THSD7B: variants seen among roughly 807,000 people sequenced by gnomAD.
THSD7B encodes thrombospondin type 1 domain containing 7B.
A neutral mutation model predicts 213.6 loss-of-function variants in THSD7B; 138 were observed. The observed-to-expected ratio is 0.65, with a 90% confidence interval of 0.56 to 0.74. The LOEUF is 0.74. THSD7B is among the 30% of genes least tolerant of loss of function. The probability of loss-of-function intolerance (pLI) is 0.00; values close to 1 mark genes in which losing one functional copy is unlikely to be tolerated. For synonymous variants in THSD7B, 742 were observed against 687.0 expected (o/e 1.08, Z -1.25); for missense variants, 1,931 against 1,991.5 (o/e 0.97, Z 0.58).
At chr2:137,673,659 G>GTTGGCCTTGCTGAGTGCAGTC (rs1683630019) in intron 27 of THSD7B, among the ~76,000 whole-genome samples, 3 of 152,210 alleles carry the variant, frequency 2.0e-5, no homozygotes, top group African/African-American at 7.2e-5. Context: ...CCTCCTCAGT[G>GTTGGCCTTGCTGAGTGCAGTC]TTGGCCTTGC....
At chr2:137,528,653 A>G (rs6735244) in intron 15 of THSD7B, among the ~76,000 whole-genome samples, 69,092 of 151,864 alleles carry the variant, frequency 0.45, 16,126 homozygotes, top group South Asian at 0.59. Context: ...GCCATCCCAC[A>G]CTGCCTTTTC....
chr2:137,152,074 A>G (rs1679830388), intron 5 of THSD7B, among the ~76,000 whole-genome samples: 1 of 149,202 alleles, frequency 6.7e-6, no homozygotes, highest in Non-Finnish European at 1.5e-5. Flanking sequence ...GGGTGCTTAT[A>G]GTGAACTCTT....
intron 7 of THSD7B, among the ~76,000 whole-genome samples, chr2:137,230,253 A>T (rs1246398270): frequency 6.6e-6 from 1 of 152,068 alleles, no homozygotes; most frequent in Non-Finnish European, 1.5e-5. Flanking sequence ...TAATTATAAA[A>T]CTCCATTATT....
intron 3 of THSD7B, among the ~76,000 whole-genome samples, chr2:137,058,467 GATTTTTCAGATCAATTTTTAAATTTTC>G (rs1267820150): frequency 1.3e-5 from 2 of 151,930 alleles, no homozygotes; most frequent in Non-Finnish European, 2.9e-5. Flanking sequence ...TAATAGACTT[GATTTTTCAGATCAATTTTTAAATTTTC>G]AGAAAAAATG....
intron 2 of THSD7B, among the ~76,000 whole-genome samples, chr2:137,029,917 A>G (rs1686631150): frequency 6.6e-6 from 1 of 152,174 alleles, no homozygotes; most frequent in Non-Finnish European, 1.5e-5. Flanking sequence ...GAACAATTAT[A>G]GGAGCTAATA....
rs1167968936 is a variant in THSD7B, at chr2:137,642,571, A to G, written c.3883A>G (p.Thr1295Ala). The G allele has an allele frequency of 7.4e-6, 12 of 1,613,702 alleles. No individual in the cohort carries two copies. The highest frequency in any genetic ancestry group is 1.0e-5 in the Non-Finnish European group (12 of 1,179,850). Residue 1295 changes from threonine to alanine, a missense_variant, in exon 21 of 28, where the codon ACC becomes GCC. Physicochemically the swap from Thr to Ala is moderately conservative, Grantham distance 58. Transcript: ENST00000409968. ...CCCCACAGAGCTTACCCAGGAGAAA[A>G]CCTGCCCAGTGACCCCCTGCTACAG... is the stretch of plus-strand genomic sequence containing the variant. ...PCPTELTQEK[T>A]CPVTPCYSWV... is the part of the protein sequence containing the mutation.
intron 12 of THSD7B, among the ~76,000 whole-genome samples, chr2:137,308,675 C>T (rs1208645700): frequency 1.3e-5 from 2 of 151,924 alleles, no homozygotes; most frequent in African/African-American, 4.8e-5. Flanking sequence ...TGAAAAAAAT[C>T]CCATTGTTTC....
intron 2 of THSD7B, among the ~76,000 whole-genome samples, chr2:136,916,917 C>T (rs1227149177): frequency 6.6e-6 from 1 of 152,144 alleles, no homozygotes; most frequent in Non-Finnish European, 1.5e-5. Context: ...TTTGAATAGA[C>T]CTCTGGATCC....
chr2:137,557,811 C>G (rs1472930137), intron 15 of THSD7B, among the ~76,000 whole-genome samples: 1 of 152,068 alleles, frequency 6.6e-6, no homozygotes, highest in Non-Finnish European at 1.5e-5. Context: ...AATTGATAGA[C>G]CACTAGCAAG....
chr2:136,809,601 G>C (rs1032990245), intron 1 of THSD7B, among the ~76,000 whole-genome samples: 1 of 152,172 alleles, frequency 6.6e-6, no homozygotes, highest in Non-Finnish European at 1.5e-5. Flanking sequence ...GCTGGTCCAT[G>C]GATCACAGAG....
intron 7 of THSD7B, among the ~76,000 whole-genome samples, chr2:137,226,086 T>A (rs543382122): frequency 6.6e-6 from 1 of 151,988 alleles, no homozygotes; most frequent in Admixed American, 6.6e-5. Flanking sequence ...CTTACTCAGC[T>A]GTGGGCAAGC....
chr2:137,408,171 A>G (rs1463851046), intron 13 of THSD7B, among the ~76,000 whole-genome samples: 1 of 152,082 alleles, frequency 6.6e-6, no homozygotes, highest in Non-Finnish European at 1.5e-5. Context: ...TCAAACAGTG[A>G]TGCTATATAA....
intron 2 of THSD7B, among the ~76,000 whole-genome samples, chr2:136,973,425 CTAAA>C (rs1438121516): frequency 6.6e-6 from 1 of 152,032 alleles, no homozygotes; most frequent in African/African-American, 2.4e-5. Context: ...AATTTAGAGA[CTAAA>C]TATCTGTATT....
intron 15 of THSD7B, among the ~76,000 whole-genome samples, chr2:137,534,000 ATGTG>A (rs141422453): frequency 6.8e-5 from 9 of 132,824 alleles, no homozygotes; most frequent in Admixed American, 2.2e-4. Flanking sequence ...GTGCACATGT[ATGTG>A]TGTGTGTGTG....
chr2:136,784,145 G>A (rs1004310861), intron 1 of THSD7B, among the ~76,000 whole-genome samples: 3 of 152,120 alleles, frequency 2.0e-5, no homozygotes, highest in Admixed American at 2.0e-4. Flanking sequence ...AATATGATAC[G>A]ACTCACCTTT....
intron 4 of THSD7B, among the ~76,000 whole-genome samples, chr2:137,111,401 C>T (rs1688343666): frequency 6.6e-6 from 1 of 152,048 alleles, no homozygotes; most frequent in Non-Finnish European, 1.5e-5. Flanking sequence ...ATGGGTTTGC[C>T]ATTTACCGTT....
chr2:137,085,947 A>G lies in THSD7B; in HGVS notation c.951-8926A>G, dbSNP rs571953008. Among the ~76,000 whole-genome samples the G allele has an allele frequency of 1.1e-4, 16 of 152,354 alleles. 1 individual carries two copies. The highest frequency in any genetic ancestry group is 2.6e-4 in the Admixed American group (4 of 15,302). ...TAAAACCACCAACAGACTACTCTTC[A>G]GAATCTATGCATATGTTTCTGTATG... On this transcript the variant is annotated intron_variant, in intron 3 of 27. Transcript: ENST00000409968.
intron 1 of THSD7B, among the ~76,000 whole-genome samples, chr2:136,832,919 G>C (rs914961792): frequency 7.2e-5 from 11 of 152,010 alleles, no homozygotes; most frequent in Admixed American, 5.2e-4. Context: ...TCACTCTTAC[G>C]TTTGCTTTAC....
chr2:137,041,522 T>G (rs1029568465), intron 2 of THSD7B, among the ~76,000 whole-genome samples: 5 of 151,092 alleles, frequency 3.3e-5, no homozygotes, highest in African/African-American at 1.2e-4. Context: ...TATAATAGAA[T>G]TTCATATTAT....
Sources: gnomAD v4.1 joint callset for allele counts (sites outside exome capture counted in the v4.1 genomes callset) on GRCh38, gnomAD v4.1.1 for gene constraint, MANE v1.5 for transcripts, NCBI Gene and HGNC (gene_info 2026-07-23, HGNC 2026-07-21) for gene names.